KIF13B: variants seen among roughly 807,000 people sequenced by gnomAD.
The protein encoded by KIF13B is kinesin-like protein KIF13B.
In KIF13B, 127 loss-of-function variants were observed where a neutral mutation model predicts 222.0. The observed-to-expected ratio is 0.57, with a 90% CI of 0.50 to 0.66. The LOEUF (loss-of-function observed/expected upper bound fraction) is 0.66. KIF13B is among the 30% of genes least tolerant of loss of function. The probability of loss-of-function intolerance (pLI) is 0.00; values close to 1 mark genes in which losing one functional copy is unlikely to be tolerated. For missense variants in KIF13B, 2,173 were observed against 2,379.0 expected (o/e 0.91, Z 1.80); for synonymous variants, 976 against 919.0 (o/e 1.06, Z -1.12).
At chr8:29,234,065 T>C (rs1450568107) in intron 2 of KIF13B, among the ~76,000 whole-genome samples, 3 of 152,206 alleles carry the variant, frequency 2.0e-5, no homozygotes, top group Non-Finnish European at 2.9e-5. Context: ...TGGCTACACT[T>C]CTTAATAAGC....
At position 29,068,133 on chromosome 8, in the gene KIF13B, C is replaced by G. The variant is rs1410089768; in HGVS notation, c.*2371G>C. 2 of 152,272 alleles carry G rather than the reference C, an allele frequency of 1.3e-5. No individual in the cohort carries two copies. The highest frequency in any genetic ancestry group is 2.9e-5 in the Non-Finnish European group (2 of 68,106). 9.4% of individuals were successfully genotyped at this position (152,272 alleles called of 1,614,324 possible). A position where few individuals can be genotyped will look rare whatever the true frequency, so the allele number is the denominator to read the frequency against. On this transcript the variant is annotated 3_prime_UTR_variant, in exon 40 of 40. Coordinates refer to ENST00000524189, the MANE Select transcript of KIF13B (RefSeq NM_015254.4). This position sits in a 1 kb window ranked among gnomAD's most constrained non-coding sequence, Gnocchi z 4.4. ...CGTGTGCAGTTACTGCCCTTCCCGG[C>G]CTTGGGTGCCATCTGCGGGCCGACC...
chr8:29,163,438 T>C (rs1811866671), intron 12 of KIF13B, among the ~76,000 whole-genome samples: 1 of 152,154 alleles, frequency 6.6e-6, no homozygotes, highest in Non-Finnish European at 1.5e-5. Flanking sequence ...GCCCCCAGAA[T>C]GACGTGAGAA....
intron 1 of KIF13B, among the ~76,000 whole-genome samples, chr8:29,258,407 T>C (rs1322904374): frequency 6.6e-6 from 1 of 152,208 alleles, no homozygotes; most frequent in Admixed American, 6.5e-5. Flanking sequence ...TCTAGCAATC[T>C]TTCCCCGTTG....
intron 22 of KIF13B, among the ~76,000 whole-genome samples, chr8:29,132,765 A>T (rs1347719133): frequency 6.6e-6 from 1 of 152,364 alleles, no homozygotes; most frequent in Non-Finnish European, 1.5e-5. Flanking sequence ...TTTTAAGAGC[A>T]TAATTGTATA....
intron 14 of KIF13B, among the ~76,000 whole-genome samples, chr8:29,155,035 T>A (rs1320180330): frequency 6.6e-6 from 1 of 152,172 alleles, no homozygotes; most frequent in Non-Finnish European, 1.5e-5. Flanking sequence ...GGATAACAGC[T>A]CTATAGCTGA....
intron 1 of KIF13B, among the ~76,000 whole-genome samples, chr8:29,255,577 T>A (rs1020867642): frequency 4.6e-5 from 7 of 151,790 alleles, no homozygotes; most frequent in African/African-American, 1.7e-4. Flanking sequence ...CTTTTTTTTT[T>A]AAAAAAAGGT....
intron 2 of KIF13B, among the ~76,000 whole-genome samples, chr8:29,196,537 T>C (rs1813430894): frequency 6.6e-6 from 1 of 152,192 alleles, no homozygotes; most frequent in African/African-American, 2.4e-5. Context: ...TTTTTTAATC[T>C]TTTACTTTTT....
intron 2 of KIF13B, among the ~76,000 whole-genome samples, chr8:29,228,229 T>A (rs1815112693): frequency 6.7e-6 from 1 of 150,246 alleles, no homozygotes; most frequent in South Asian, 2.1e-4. Context: ...ACTTTGGGAG[T>A]CCGAGGCAGG....
intron 12 of KIF13B, among the ~76,000 whole-genome samples, chr8:29,164,391 G>T (rs1811903307): frequency 6.6e-6 from 1 of 152,224 alleles, no homozygotes; most frequent in Non-Finnish European, 1.5e-5. Flanking sequence ...AAGAGGCAGA[G>T]AGATGACTTT....
At chr8:29,115,776 T>TCCTGC (rs1203074722) in intron 31 of KIF13B, among the ~76,000 whole-genome samples, 1 of 152,084 alleles carries the variant, frequency 6.6e-6, no homozygotes, top group Admixed American at 6.5e-5. Flanking sequence ...TCCTGCCCCG[T>TCCTGC]CCTGCCCTGC....
chr8:29,192,361 G>A (rs991358383), intron 3 of KIF13B, among the ~76,000 whole-genome samples: 1 of 152,156 alleles, frequency 6.6e-6, no homozygotes, highest in Non-Finnish European at 1.5e-5. Flanking sequence ...CTGGAAATAT[G>A]TCACTTCAGC....
chr8:29,078,446 T>C (rs1807667975), intron 37 of KIF13B, among the ~76,000 whole-genome samples: 3 of 152,210 alleles, frequency 2.0e-5, no homozygotes, highest in African/African-American at 7.2e-5. Flanking sequence ...CCACCAAGAA[T>C]ACTGAAATCA....
intron 10 of KIF13B, among the ~76,000 whole-genome samples, chr8:29,171,847 T>C (rs1188479404): frequency 6.9e-6 from 1 of 145,780 alleles, no homozygotes; most frequent in Admixed American, 7.0e-5. Context: ...AACCTCTACC[T>C]CCTGGGTACA....
chr8:29,085,705 C>CTTTTTTTTT (rs71222589), intron 37 of KIF13B, among the ~76,000 whole-genome samples: 3 of 48,768 alleles, frequency 6.2e-5, no homozygotes, highest in African/African-American at 2.3e-4. Flanking sequence ...AAATACTCTT[C>CTTTTTTTTT]TTTTTTTTTT....
chr8:29,203,097 C>A (rs527423360), intron 2 of KIF13B, among the ~76,000 whole-genome samples: 2 of 152,188 alleles, frequency 1.3e-5, no homozygotes, highest in Non-Finnish European at 2.9e-5. Flanking sequence ...TTTTACATGT[C>A]ATCTCGGCTA....
intron 2 of KIF13B, among the ~76,000 whole-genome samples, chr8:29,197,357 A>AC (rs1563779873): frequency 6.0e-5 from 9 of 149,630 alleles, no homozygotes; most frequent in Non-Finnish European, 1.2e-4. Flanking sequence ...AAAAAAAAAA[A>AC]AAAACTCAAT....
chr8:29,209,286 A>G (rs1053262427), intron 2 of KIF13B, among the ~76,000 whole-genome samples: 1 of 152,170 alleles, frequency 6.6e-6, no homozygotes, highest in African/African-American at 2.4e-5. Context: ...GAACAGGCTC[A>G]TGGAGGGCGA....
At chr8:29,170,380 C>A (rs977841956) in intron 10 of KIF13B, among the ~76,000 whole-genome samples, 2 of 152,214 alleles carry the variant, frequency 1.3e-5, no homozygotes, top group African/African-American at 2.4e-5. Flanking sequence ...TGAAATTACT[C>A]ATTCACTCGA....
chr8:29,138,286 G>A (rs145253710), intron 21 of KIF13B, among the ~76,000 whole-genome samples: 66 of 152,218 alleles, frequency 4.3e-4, no homozygotes, highest in African/African-American at 1.6e-3. Flanking sequence ...AGTGAGCTGA[G>A]ATCACACCAC....
Sources: gnomAD v4.1 joint callset for allele counts (sites outside exome capture counted in the v4.1 genomes callset) on GRCh38, gnomAD v4.1.1 for gene constraint, Gnocchi (gnomAD v3.1) non-coding constraint, MANE v1.5 for transcripts, NCBI Gene and HGNC (gene_info 2026-07-23, HGNC 2026-07-21) for gene names.